SAMD3: variants seen among roughly 807,000 people sequenced by gnomAD.
SAMD3 encodes sterile alpha motif domain containing 3.
A neutral mutation model predicts 58.5 loss-of-function variants in SAMD3; 63 were observed. The observed-to-expected ratio is 1.08, with a 90% CI of 0.88 to 1.33. The LOEUF (loss-of-function observed/expected upper bound fraction) is 1.33. Among genes scored for constraint, SAMD3 ranks in the 40% most tolerant of loss-of-function variants. The pLI is 0.00. For missense variants in SAMD3, 604 were observed against 608.4 expected (o/e 0.99, Z 0.08); for synonymous variants, 220 against 210.3 (o/e 1.05, Z -0.40).
At chr6:130,165,383 CAAAACAAAAA>C (rs1290341130) in intron 8 of SAMD3, among the ~76,000 whole-genome samples, 3 of 151,900 alleles carry the variant, frequency 2.0e-5, no homozygotes, top group Non-Finnish European at 4.4e-5. Flanking sequence ...GAAAACAAAA[CAAAACAAAAA>C]CCAACAAAAA....
At chr6:130,208,085 C>T (rs1795233416) in intron 5 of SAMD3, among the ~76,000 whole-genome samples, 1 of 152,198 alleles carries the variant, frequency 6.6e-6, no homozygotes, top group Non-Finnish European at 1.5e-5. Context: ...TGCTCTAAAT[C>T]TCGGTTGTAC....
chr6:130,239,706 C>T (rs540270242), intron 2 of SAMD3, among the ~76,000 whole-genome samples: 1 of 152,128 alleles, frequency 6.6e-6, no homozygotes, highest in South Asian at 2.1e-4. Context: ...CCAGTACATT[C>T]CTATTTCTAA....
At chr6:130,285,919 G>C (rs929359882) in intron 2 of SAMD3, among the ~76,000 whole-genome samples, 1 of 152,046 alleles carries the variant, frequency 6.6e-6, no homozygotes, top group Admixed American at 6.5e-5. Context: ...TTTTGATCAC[G>C]GATATGAGAT....
intron 2 of SAMD3, 123 bp from the exon 3 acceptor site, chr6:130,215,417 A>T: frequency 8.1e-7 from 1 of 1,237,078 alleles, no homozygotes; most frequent in African/African-American, 1.6e-5. Context: ...AAGCTTTTTT[A>T]AAATTACTAT....
chr6:130,230,589 T>C (rs1226903852), intron 2 of SAMD3, among the ~76,000 whole-genome samples: 1 of 152,252 alleles, frequency 6.6e-6, no homozygotes, highest in Middle Eastern at 3.4e-3. Context: ...GGTTTCACTA[T>C]GTTGGCCAGG....
intron 2 of SAMD3, among the ~76,000 whole-genome samples, chr6:130,248,400 A>C (rs901738697): frequency 6.6e-6 from 1 of 152,146 alleles, no homozygotes; most frequent in Non-Finnish European, 1.5e-5. Context: ...TGAGCATCTC[A>C]GTTTCTTCTT....
chr6:130,364,895 C>G (rs1224142000), intron 1 of SAMD3, among the ~76,000 whole-genome samples: 4 of 112,464 alleles, frequency 3.6e-5, no homozygotes, highest in Non-Finnish European at 5.1e-5. Flanking sequence ...ACCCCCCAAA[C>G]ACGGATTTTA....
chr6:130,341,228 T>A (rs914719935), intron 1 of SAMD3, among the ~76,000 whole-genome samples: 1 of 152,160 alleles, frequency 6.6e-6, no homozygotes, highest in Non-Finnish European at 1.5e-5. Context: ...TATTACTCTG[T>A]TTTGCTTTAA....
chr6:130,248,256 T>TGTTTGCTTCTTTGC (rs1207941069), intron 2 of SAMD3, among the ~76,000 whole-genome samples: 1 of 151,644 alleles, frequency 6.6e-6, no homozygotes, highest in African/African-American at 2.4e-5. Context: ...TTGCCTTTAT[T>TGTTTGCTTCTTTGC]AACAAAAAGT....
At chr6:130,304,629 A>G (rs1775854836) in intron 2 of SAMD3, among the ~76,000 whole-genome samples, 1 of 152,164 alleles carries the variant, frequency 6.6e-6, no homozygotes, top group Non-Finnish European at 1.5e-5. Context: ...CTTTTGCTTT[A>G]GGAGAGTTTT....
intron 10 of SAMD3, 23 bp from the exon 11 acceptor site, chr6:130,145,445 A>T (rs759410303): frequency 2.0e-6 from 3 of 1,531,166 alleles, no homozygotes; most frequent in Admixed American, 3.4e-5. Context: ...ATATGTTAAC[A>T]TGTGAAGTAA....
chr6:130,323,235 G>A (rs1465794835), intron 1 of SAMD3, among the ~76,000 whole-genome samples: 1 of 152,054 alleles, frequency 6.6e-6, no homozygotes, highest in Non-Finnish European at 1.5e-5. Flanking sequence ...CAAAAACCAG[G>A]CTCCCTGAAG....
chr6:130,234,786 C>A (rs1796637495), intron 2 of SAMD3, among the ~76,000 whole-genome samples: 1 of 152,180 alleles, frequency 6.6e-6, no homozygotes, highest in African/African-American at 2.4e-5. Context: ...ACACTCTAAT[C>A]TTTATACATT....
At chr6:130,263,357 C>T (rs534597721) in intron 2 of SAMD3, among the ~76,000 whole-genome samples, 10 of 152,158 alleles carry the variant, frequency 6.6e-5, no homozygotes, top group South Asian at 2.1e-4. Context: ...TTAGAATTTC[C>T]GGTAAACCAG....
chr6:130,147,390 G>A (rs188374073), intron 9 of SAMD3, among the ~76,000 whole-genome samples: 3 of 152,310 alleles, frequency 2.0e-5, no homozygotes, highest in Admixed American at 1.3e-4. Context: ...GATTAATACC[G>A]TTAGAAAACC....
At chr6:130,165,852 A>G (rs1440094140) in intron 8 of SAMD3, among the ~76,000 whole-genome samples, 1 of 152,192 alleles carries the variant, frequency 6.6e-6, no homozygotes, top group African/African-American at 2.4e-5. Flanking sequence ...ACAGAGGCCA[A>G]GAGGACCATC....
At chr6:130,286,962 G>A (rs1006476533) in intron 2 of SAMD3, among the ~76,000 whole-genome samples, 1 of 152,056 alleles carries the variant, frequency 6.6e-6, no homozygotes, top group Non-Finnish European at 1.5e-5. Flanking sequence ...TGCCTGCCTC[G>A]GCCTCCCAAA....
chr6:130,212,604 A>C (rs2114838371), intron 4 of SAMD3, among the ~76,000 whole-genome samples: 1 of 152,264 alleles, frequency 6.6e-6, no homozygotes, highest in East Asian at 1.9e-4. Flanking sequence ...GGATGAAGAA[A>C]CAAGAATGCC....
chr6:130,339,515 A>T (rs1777207095), intron 1 of SAMD3, among the ~76,000 whole-genome samples: 1 of 151,572 alleles, frequency 6.6e-6, no homozygotes, highest in Non-Finnish European at 1.5e-5. Flanking sequence ...TCCTTCACAT[A>T]CTCTTCTCTC....
Sources: allele counts gnomAD v4.1 joint callset (sites outside exome capture counted in the v4.1 genomes callset), GRCh38; gene constraint gnomAD v4.1.1; transcripts MANE v1.5; gene names NCBI Gene and HGNC (gene_info 2026-07-23, HGNC 2026-07-21).